PTPRD: variants seen among roughly 807,000 people sequenced by gnomAD.
The protein encoded by PTPRD is receptor-type tyrosine-protein phosphatase delta.
Under a neutral mutation model 214.5 loss-of-function variants are expected in PTPRD, and 34 were observed. The ratio of observed to expected loss-of-function variants is 0.16; its 90% CI spans 0.12 to 0.21. The LOEUF (loss-of-function observed/expected upper bound fraction) is 0.21. PTPRD is among the 10% of genes least tolerant of loss of function. The pLI is 1.00. For synonymous variants in PTPRD, 1,128 were observed against 845.7 expected (o/e 1.33, Z -5.79); for missense variants, 2,545 against 2,398.7 (o/e 1.06, Z -1.27).
chr9:10,396,430 T>G (rs1482177443), intron 2 of PTPRD, among the ~76,000 whole-genome samples: 1 of 152,004 alleles, frequency 6.6e-6, no homozygotes, highest in Non-Finnish European at 1.5e-5. Context: ...GGAAGGGTTG[T>G]AAAATATGTT....
At chr9:8,361,772 G>T (rs2078553718) in intron 39 of PTPRD, among the ~76,000 whole-genome samples, 1 of 152,082 alleles carries the variant, frequency 6.6e-6, no homozygotes, top group East Asian at 1.9e-4. Flanking sequence ...CCACTTTGGG[G>T]TATGTTTGAA....
chr9:8,385,401 C>G (rs2086625466), intron 37 of PTPRD, among the ~76,000 whole-genome samples: 1 of 152,170 alleles, frequency 6.6e-6, no homozygotes, highest in Non-Finnish European at 1.5e-5. Flanking sequence ...TGCTGTGCAC[C>G]TGTAGTCCCT....
intron 8 of PTPRD, among the ~76,000 whole-genome samples, chr9:9,487,507 G>C (rs2095701225): frequency 6.6e-6 from 1 of 152,010 alleles, no homozygotes; most frequent in African/African-American, 2.4e-5. Flanking sequence ...TGTGAATAGT[G>C]CCGCAATAAA....
intron 14 of PTPRD, among the ~76,000 whole-genome samples, chr9:8,613,982 T>G (rs2095531950): frequency 6.6e-6 from 1 of 152,084 alleles, no homozygotes; most frequent in Admixed American, 6.6e-5. Context: ...AGTAAAGTTG[T>G]GTCCTTCACA....
chr9:8,968,840 G>A (rs1401416287), intron 11 of PTPRD, among the ~76,000 whole-genome samples: 2 of 152,056 alleles, frequency 1.3e-5, no homozygotes, highest in Non-Finnish European at 2.9e-5. Context: ...CAAGATCATT[G>A]AGACAAAGAA....
At chr9:9,627,024 C>T (rs1055699039) in intron 7 of PTPRD, among the ~76,000 whole-genome samples, 2 of 152,134 alleles carry the variant, frequency 1.3e-5, no homozygotes, top group African/African-American at 4.8e-5. Context: ...ATTAAATTCT[C>T]GTTTGCAGGC....
At chr9:9,445,422 G>A (rs752150395) in intron 8 of PTPRD, among the ~76,000 whole-genome samples, 6 of 152,036 alleles carry the variant, frequency 3.9e-5, no homozygotes, top group Middle Eastern at 3.2e-3. Context: ...TTTTCACTTG[G>A]CACCTGTATT....
intron 12 of PTPRD, among the ~76,000 whole-genome samples, chr9:8,691,166 C>A (rs1342315547): frequency 1.3e-5 from 2 of 152,014 alleles, no homozygotes; most frequent in Non-Finnish European, 2.9e-5. Flanking sequence ...TCCCCATGGC[C>A]ACTGTTCTAA....
intron 14 of PTPRD, among the ~76,000 whole-genome samples, chr9:8,533,726 A>G (rs964929919): frequency 6.6e-6 from 1 of 152,022 alleles, no homozygotes; most frequent in African/African-American, 2.4e-5. Flanking sequence ...TTACAAGCTC[A>G]CAGGAGGGCA....
chr9:9,340,619 G>A (rs1356098058), intron 9 of PTPRD, among the ~76,000 whole-genome samples: 2 of 152,162 alleles, frequency 1.3e-5, no homozygotes, highest in Non-Finnish European at 2.9e-5. Flanking sequence ...ACAGAGTACG[G>A]AATTCAATAT....
intron 11 of PTPRD, among the ~76,000 whole-genome samples, chr9:8,919,040 C>G (rs542973044): frequency 1.3e-5 from 2 of 152,200 alleles, no homozygotes; most frequent in Middle Eastern, 6.8e-3. Context: ...GTATGCAGAT[C>G]CTTTTTACCA....
At chr9:8,813,593 A>G (rs1023380478) in intron 11 of PTPRD, among the ~76,000 whole-genome samples, 5 of 152,002 alleles carry the variant, frequency 3.3e-5, no homozygotes, top group South Asian at 4.1e-4. Flanking sequence ...CGCTGGACTC[A>G]AACTCCTAGG....
chr9:10,558,222 C>CT (rs1268521879), intron 2 of PTPRD, among the ~76,000 whole-genome samples: 1 of 152,056 alleles, frequency 6.6e-6, no homozygotes, highest in African/African-American at 2.4e-5. Context: ...TAATTTAAGA[C>CT]TATGCTAATA....
At chr9:10,077,078 G>A (rs2098143055) in intron 3 of PTPRD, among the ~76,000 whole-genome samples, 4 of 152,242 alleles carry the variant, frequency 2.6e-5, no homozygotes, top group Admixed American at 2.0e-4. Context: ...CAAACAAATT[G>A]TGGTTCGAAT....
At chr9:10,557,914 AG>A (rs372351003) in intron 2 of PTPRD, among the ~76,000 whole-genome samples, 82 of 152,274 alleles carry the variant, frequency 5.4e-4, no homozygotes, top group African/African-American at 1.9e-3. Context: ...TGTTTTAATG[AG>A]CCTGTGACCT....
At chr9:9,101,342 T>C (rs2099791087) in intron 10 of PTPRD, among the ~76,000 whole-genome samples, 2 of 152,126 alleles carry the variant, frequency 1.3e-5, no homozygotes, top group South Asian at 2.1e-4. Context: ...GACAGAACAT[T>C]AATTATAGAC....
At chr9:9,101,109 GA>G (rs2099790692) in intron 10 of PTPRD, among the ~76,000 whole-genome samples, 1 of 151,750 alleles carries the variant, frequency 6.6e-6, no homozygotes, top group Non-Finnish European at 1.5e-5. Flanking sequence ...AACAGAGAGA[GA>G]GAGAGAGTAG....
intron 9 of PTPRD, among the ~76,000 whole-genome samples, chr9:9,255,258 A>C (rs1419408353): frequency 6.6e-6 from 1 of 151,994 alleles, no homozygotes; most frequent in Non-Finnish European, 1.5e-5. Flanking sequence ...TTAAATTTAG[A>C]TTCCGTTATC....
chr9:9,378,641 C>G (rs1174646540), intron 9 of PTPRD, among the ~76,000 whole-genome samples: 1 of 152,116 alleles, frequency 6.6e-6, no homozygotes, highest in Non-Finnish European at 1.5e-5. Flanking sequence ...AGTAATGAAG[C>G]AGAATTCCTC....
Sources: allele counts gnomAD v4.1 joint callset (sites outside exome capture counted in the v4.1 genomes callset), GRCh38; gene constraint gnomAD v4.1.1; transcripts MANE v1.5; gene names NCBI Gene and HGNC (gene_info 2026-07-23, HGNC 2026-07-21).